The following CTNNA1 variants were observed in gnomAD, a reference collection of about 807,000 sequenced individuals.
CTNNA1 encodes the protein catenin alpha 1, also known as catenin alpha-1.
In CTNNA1, 37 loss-of-function variants were observed where a neutral mutation model predicts 98.4. That is an observed-to-expected ratio of 0.38 (90% CI 0.29 to 0.49). The LOEUF (loss-of-function observed/expected upper bound fraction) is 0.49, where lower values mean the gene tolerates loss of function less well. Ranked by LOEUF, CTNNA1 falls within the 20% of genes least tolerant of loss-of-function variation. CTNNA1 has a pLI of 0.95. For missense variants in CTNNA1, 761 were observed against 1,147.2 expected (o/e 0.66, Z 4.86); for synonymous variants, 404 against 413.2 (o/e 0.98, Z 0.27).
At chr5:138,793,322 T>C (rs1302377554) in intron 3 of CTNNA1, among the ~76,000 whole-genome samples, 2 of 152,256 alleles carry the variant, frequency 1.3e-5, no homozygotes, top group Non-Finnish European at 2.9e-5. Context: ...TCAAGGATGC[T>C]GTCTGCTTCT....
At chr5:138,897,724 CCTTA>C (rs1266560797) in intron 9 of CTNNA1, among the ~76,000 whole-genome samples, 2 of 151,964 alleles carry the variant, frequency 1.3e-5, no homozygotes, top group Non-Finnish European at 2.9e-5. Context: ...AAGTTCAGAC[CCTTA>C]CTTTTGTTTG....
At chr5:138,799,856 A>AT (rs1554081117) in intron 3 of CTNNA1, among the ~76,000 whole-genome samples, 3 of 62,188 alleles carry the variant, frequency 4.8e-5, no homozygotes, top group Non-Finnish European at 1.1e-4. Flanking sequence ...GAGTAGATGT[A>AT]GATGTATGTA....
intron 9 of CTNNA1, among the ~76,000 whole-genome samples, chr5:138,893,830 G>C (rs954835586): frequency 3.3e-5 from 5 of 152,044 alleles, no homozygotes; most frequent in Non-Finnish European, 5.9e-5. Context: ...CACCATGTTG[G>C]TCAGGCTGGT....
chr5:138,778,863 T>C (rs1754708835), intron 1 of CTNNA1, among the ~76,000 whole-genome samples: 1 of 152,158 alleles, frequency 6.6e-6, no homozygotes, highest in Non-Finnish European at 1.5e-5. Context: ...TAGTCTTTTA[T>C]GAGGGATCTA....
chr5:138,932,643 C>T lies in CTNNA1; in HGVS notation c.2364C>T (p.His788=). The change falls in exon 17 of 18, where the codon CAC becomes CAT. Residue 788 remains histidine, a synonymous_variant. Coordinates refer to ENST00000302763, the MANE Select transcript of CTNNA1 (RefSeq NM_001903.5). ...AYLQRIALYC[H]QLNICSKVKA... ...TGCAACGCATCGCCCTCTACTGCCA[C>T]CAGCTGAACATCTGCAGCAAGGTCA... The T allele has an allele frequency of 6.2e-7, 1 of 1,614,184 alleles. No individual in the cohort carries two copies. The highest frequency in any genetic ancestry group is 8.5e-7 in the Non-Finnish European group (1 of 1,180,040).
chr5:138,858,594 C>CTT (rs147487025), intron 7 of CTNNA1, among the ~76,000 whole-genome samples: 11 of 124,060 alleles, frequency 8.9e-5, no homozygotes, highest in South Asian at 2.4e-4. Flanking sequence ...TTTTCTTTTT[C>CTT]TTTTTTTTTT....
At chr5:138,857,597 GT>G (rs1245110177) in intron 7 of CTNNA1, among the ~76,000 whole-genome samples, 1 of 152,022 alleles carries the variant, frequency 6.6e-6, no homozygotes, top group Non-Finnish European at 1.5e-5. Context: ...CATTACAGAT[GT>G]GAGCCTACCA....
intron 7 of CTNNA1, among the ~76,000 whole-genome samples, chr5:138,834,041 A>C (rs1025190080): frequency 6.6e-6 from 1 of 152,210 alleles, no homozygotes; most frequent in Non-Finnish European, 1.5e-5. Flanking sequence ...GTATGCAGCT[A>C]ATGTTCATTT....
chr5:138,817,102 T>A (rs1371274970), intron 5 of CTNNA1, among the ~76,000 whole-genome samples: 2 of 152,260 alleles, frequency 1.3e-5, no homozygotes, highest in African/African-American at 4.8e-5. Context: ...ATGAATAGTT[T>A]GCACATATTT....
At chr5:138,825,482 GT>G (rs756586452) in intron 6 of CTNNA1, among the ~76,000 whole-genome samples, 13 of 74,114 alleles carry the variant, frequency 1.8e-4, no homozygotes, top group Admixed American at 3.7e-4. Flanking sequence ...AGCAGTATAA[GT>G]TTTTTTTTTT....
chr5:138,896,584 A>G (rs1756860731), intron 9 of CTNNA1, among the ~76,000 whole-genome samples: 1 of 152,206 alleles, frequency 6.6e-6, no homozygotes, highest in Non-Finnish European at 1.5e-5. Context: ...CCTCAAGGCC[A>G]GTGAGTAAGG....
chr5:138,786,333 T>C (rs931760982), intron 3 of CTNNA1, among the ~76,000 whole-genome samples: 24 of 152,216 alleles, frequency 1.6e-4, no homozygotes, highest in African/African-American at 5.8e-4. Flanking sequence ...CTCTTTTCTA[T>C]CATAAATAGA....
At chr5:138,838,792 GTTGT>G (rs967078639) in intron 7 of CTNNA1, among the ~76,000 whole-genome samples, 3 of 151,732 alleles carry the variant, frequency 2.0e-5, no homozygotes, top group Non-Finnish European at 4.4e-5. Context: ...TTTTTTTGTT[GTTGT>G]TTGTTTGTTT....
At chr5:138,928,225 A>G (rs1163865020) in intron 13 of CTNNA1, among the ~76,000 whole-genome samples, 4 of 152,076 alleles carry the variant, frequency 2.6e-5, no homozygotes, top group African/African-American at 7.2e-5. Flanking sequence ...CCCCTTACTG[A>G]TAACTGCCAG....
chr5:138,930,714 C>CCTG, intron 15 of CTNNA1, 60 bp downstream of exon 15: 1 of 1,580,296 alleles, frequency 6.3e-7, no homozygotes, highest in Non-Finnish European at 8.7e-7. Context: ...CCACAGGTCA[C>CCTG]CTGCGCAGCG....
At chr5:138,781,380 C>A (rs2149649625) in intron 1 of CTNNA1, among the ~76,000 whole-genome samples, 1 of 152,070 alleles carries the variant, frequency 6.6e-6, no homozygotes, top group South Asian at 2.1e-4. Flanking sequence ...ACGGTGAAAC[C>A]CCGTCTCTAC....
intron 9 of CTNNA1, among the ~76,000 whole-genome samples, chr5:138,897,964 C>T (rs1428161220): frequency 6.6e-6 from 1 of 152,132 alleles, no homozygotes; most frequent in East Asian, 1.9e-4. Context: ...AAAAGAGATG[C>T]AGTTTGGATA....
chr5:138,794,384 G>C (rs1236520850), intron 3 of CTNNA1, among the ~76,000 whole-genome samples: 1 of 152,112 alleles, frequency 6.6e-6, no homozygotes, highest in Non-Finnish European at 1.5e-5. Context: ...CTGCATCCCA[G>C]AAAGTTCTCT....
chr5:138,812,770 A>G (rs566446227), intron 5 of CTNNA1, among the ~76,000 whole-genome samples: 2 of 152,248 alleles, frequency 1.3e-5, no homozygotes, highest in South Asian at 4.1e-4. Flanking sequence ...ATTGTGTGGC[A>G]TGAGGATCAG....
Sources: gnomAD v4.1 joint callset for allele counts (sites outside exome capture counted in the v4.1 genomes callset) on GRCh38, gnomAD v4.1.1 for gene constraint, MANE v1.5 for transcripts, NCBI Gene and HGNC (gene_info 2026-07-23, HGNC 2026-07-21) for gene names.